Variants in ENTREP2 observed in about 807,000 individuals in gnomAD.
ENTREP2 encodes the protein protein ENTREP2.
chr15:29,523,126 A>T, the ENTREP2 span, among the ~76,000 whole-genome samples: 6 of 152,204 alleles, frequency 3.9e-5, no homozygotes, highest in African/African-American at 1.4e-4. Flanking sequence ...GGAAGGGAAG[A>T]CGAAGGTAGG....
At chr15:29,187,477 T>G in the ENTREP2 span, among the ~76,000 whole-genome samples, 6 of 152,062 alleles carry the variant, frequency 3.9e-5, no homozygotes, top group African/African-American at 1.4e-4. Flanking sequence ...AGTTTCATCA[T>G]TTTGGCCAGG....
chr15:29,250,319 G>C, the ENTREP2 span, among the ~76,000 whole-genome samples: 1 of 152,150 alleles, frequency 6.6e-6, no homozygotes, highest in Non-Finnish European at 1.5e-5. Context: ...ATGAGCCAAG[G>C]CAGAGGGACA....
At chr15:29,134,368 G>T in the ENTREP2 span, among the ~76,000 whole-genome samples, 1 of 152,130 alleles carries the variant, frequency 6.6e-6, no homozygotes, top group African/African-American at 2.4e-5. Flanking sequence ...TAAAAAGGGG[G>T]TCCTGGCCGG....
chr15:29,569,592 C>G, the ENTREP2 span: 1 of 152,220 alleles, frequency 6.6e-6, no homozygotes, highest in East Asian at 1.9e-4. Flanking sequence ...TGCCTCTCTT[C>G]ATAAATATCT....
the ENTREP2 span, among the ~76,000 whole-genome samples, chr15:29,230,167 T>C: frequency 6.6e-6 from 1 of 152,172 alleles, no homozygotes; most frequent in African/African-American, 2.4e-5. Flanking sequence ...TCACCACTAT[T>C]GCCTTAGGTT....
chr15:29,403,831 C>T, the ENTREP2 span, among the ~76,000 whole-genome samples: 26 of 152,292 alleles, frequency 1.7e-4, no homozygotes, highest in East Asian at 5.0e-3. Flanking sequence ...CCAGTTGTAC[C>T]CTGAAGGGAG....
At chr15:29,184,672 C>A in the ENTREP2 span, among the ~76,000 whole-genome samples, 1 of 152,128 alleles carries the variant, frequency 6.6e-6, no homozygotes, top group East Asian at 1.9e-4. Context: ...GCTGCATAAA[C>A]CAGTTCCCAA....
At chr15:29,250,472 G>C in the ENTREP2 span, among the ~76,000 whole-genome samples, 2 of 152,172 alleles carry the variant, frequency 1.3e-5, no homozygotes, top group African/African-American at 2.4e-5. Context: ...GTAAGAAATA[G>C]AGGAGACCAA....
the ENTREP2 span, among the ~76,000 whole-genome samples, chr15:29,233,112 G>A: frequency 6.6e-6 from 1 of 152,232 alleles, no homozygotes; most frequent in East Asian, 1.9e-4. Flanking sequence ...TATTTCATCA[G>A]GCTCTATTCA....
the ENTREP2 span, among the ~76,000 whole-genome samples, chr15:29,213,939 T>C: frequency 1.3e-5 from 2 of 152,038 alleles, no homozygotes; most frequent in East Asian, 1.9e-4. Flanking sequence ...CATGAAAAAA[T>C]GCTCAACATC....
chr15:29,158,778 ATGT>A, the ENTREP2 span, among the ~76,000 whole-genome samples: 1 of 151,956 alleles, frequency 6.6e-6, no homozygotes, highest in African/African-American at 2.4e-5. Flanking sequence ...GGATATTCTG[ATGT>A]TATTAGCTTT....
chr15:29,234,478 A>T, the ENTREP2 span: 2 of 1,466,714 alleles, frequency 1.4e-6, no homozygotes, highest in Non-Finnish European at 1.9e-6. Context: ...GCATTCGCCT[A>T]TCATATATTT....
chr15:29,233,930 G>A, the ENTREP2 span: 2 of 1,566,996 alleles, frequency 1.3e-6, no homozygotes, highest in East Asian at 4.5e-5. Flanking sequence ...TTCAGCTGGA[G>A]TATCTACTTC....
chr15:29,301,194 C>T, the ENTREP2 span, among the ~76,000 whole-genome samples: 1 of 152,056 alleles, frequency 6.6e-6, no homozygotes, highest in Non-Finnish European at 1.5e-5. Flanking sequence ...TTTTTCTTTA[C>T]AATTCTTGCT....
chr15:29,550,845 A>T, the ENTREP2 span, among the ~76,000 whole-genome samples: 4 of 152,184 alleles, frequency 2.6e-5, no homozygotes, highest in African/African-American at 9.6e-5. Context: ...ATATACCTGA[A>T]GGGACCTCAC....
chr15:29,348,427 C>A, the ENTREP2 span, among the ~76,000 whole-genome samples: 1 of 152,120 alleles, frequency 6.6e-6, no homozygotes, highest in Non-Finnish European at 1.5e-5. Context: ...ACGTGAGGAA[C>A]AATGTTCCCG....
At chr15:29,207,348 A>T in the ENTREP2 span, among the ~76,000 whole-genome samples, 1 of 151,182 alleles carries the variant, frequency 6.6e-6, no homozygotes, top group Non-Finnish European at 1.5e-5. Context: ...TACAGCTCTT[A>T]AAGATTGCAC....
At chr15:29,454,428 A>G in the ENTREP2 span, among the ~76,000 whole-genome samples, 1 of 152,180 alleles carries the variant, frequency 6.6e-6, no homozygotes, top group African/African-American at 2.4e-5. Context: ...AATTGTATCA[A>G]TCTTTCCCCT....
At chr15:29,351,447 A>G in the ENTREP2 span, among the ~76,000 whole-genome samples, 1 of 152,194 alleles carries the variant, frequency 6.6e-6, no homozygotes, top group Non-Finnish European at 1.5e-5. Flanking sequence ...GTGATCAATA[A>G]TAACAGGAGG....
Sources: allele counts gnomAD v4.1 joint callset (sites outside exome capture counted in the v4.1 genomes callset), GRCh38; gene constraint gnomAD v4.1.1; transcripts MANE v1.5; gene names NCBI Gene and HGNC (gene_info 2026-07-23, HGNC 2026-07-21).